The following RHBDF2 variants were observed in gnomAD, a reference collection of about 807,000 sequenced individuals.
The protein encoded by RHBDF2 is inactive rhomboid protein 2.
A neutral mutation model predicts 95.2 loss-of-function variants in RHBDF2; 38 were observed. The ratio of observed to expected loss-of-function variants is 0.40; its 90% confidence interval spans 0.31 to 0.52. The LOEUF is 0.52. RHBDF2 is among the 20% of genes least tolerant of loss of function. The probability of loss-of-function intolerance (pLI) is 0.56; values close to 1 mark genes in which losing one functional copy is unlikely to be tolerated. For synonymous variants in RHBDF2, 442 were observed against 462.0 expected (o/e 0.96, Z 0.55); for missense variants, 863 against 1,137.7 (o/e 0.76, Z 3.47).
At chr17:76,496,793 G>A (rs185680450) in intron 1 of RHBDF2, among the ~76,000 whole-genome samples, 199 of 151,862 alleles carry the variant, frequency 1.3e-3, no homozygotes, top group Admixed American at 2.3e-3. Context: ...ACGGAGTCTC[G>A]CTCTGCTGCC....
At chr17:76,473,455 T>C in intron 15 of RHBDF2, 128 bp from the exon 16 acceptor site, 1 of 1,003,902 alleles carries the variant, frequency 1.0e-6, no homozygotes, top group Admixed American at 2.0e-5. Flanking sequence ...ATCCAGAACC[T>C]TCGACTCTGG....
intron 1 of RHBDF2, among the ~76,000 whole-genome samples, chr17:76,494,403 G>T (rs2074385143): frequency 6.6e-6 from 1 of 152,214 alleles, no homozygotes; most frequent in Admixed American, 6.5e-5. Context: ...GCTGGACACA[G>T]CGCTGGGCCC....
intron 1 of RHBDF2, among the ~76,000 whole-genome samples, chr17:76,498,789 A>AGTGTGT (rs60130089): frequency 0.054 from 7,700 of 143,658 alleles, 302 homozygotes; most frequent in Non-Finnish European, 0.077. Flanking sequence ...AGAGAAAGAG[A>AGTGTGT]GTGTGTGTGT....
intron 1 of RHBDF2, among the ~76,000 whole-genome samples, chr17:76,495,197 C>A (rs539362412): frequency 1.3e-5 from 2 of 152,166 alleles, no homozygotes; most frequent in African/African-American, 4.8e-5. Flanking sequence ...ACAAGCCCAG[C>A]GGTTGGGGCA....
chr17:76,483,787 T>A (rs1598681963), intron 2 of RHBDF2, among the ~76,000 whole-genome samples: 2 of 152,192 alleles, frequency 1.3e-5, no homozygotes, highest in African/African-American at 4.8e-5. Context: ...AATGGCTGGG[T>A]TGAAGAGTAA....
intron 1 of RHBDF2, among the ~76,000 whole-genome samples, chr17:76,499,641 T>C (rs901065880): frequency 6.6e-6 from 1 of 152,114 alleles, no homozygotes; most frequent in Non-Finnish European, 1.5e-5. Context: ...GCCCTGATAC[T>C]CCTTGGATGT....
chr17:76,499,666 G>A (rs180770171), intron 1 of RHBDF2, among the ~76,000 whole-genome samples: 230 of 152,308 alleles, frequency 1.5e-3, no homozygotes, highest in Middle Eastern at 0.014. Context: ...TTCAAAAGGT[G>A]TACATAATTG....
Position 76,481,368 on chromosome 17 carries a change from C to A in RHBDF2, c.150+7G>T. 6.2e-7 allele frequency: 1 copy of A among 1,609,228 alleles called. No homozygotes were observed. On this transcript the variant is annotated splice_region_variant and intron_variant, in intron 3 of 18. Transcript: ENST00000675367. Reference sequence around the variant, plus strand: ...AGAACAGTGAGCCCCCAGGCCAGCCCCCTTACCTCAGGCAGCATGCTGTCC... The same window carrying A: ...AGAACAGTGAGCCCCCAGGCCAGCCACCTTACCTCAGGCAGCATGCTGTCC...
chr17:76,476,565 T>C (rs2073778211), intron 9 of RHBDF2: 1 of 479,204 alleles, frequency 2.1e-6, no homozygotes, highest in African/African-American at 2.0e-5. Flanking sequence ...TGAACATTTG[T>C]TGACTGACTG....
At chr17:76,475,506 C>G (rs953251827) in intron 9 of RHBDF2, among the ~76,000 whole-genome samples, 3 of 152,300 alleles carry the variant, frequency 2.0e-5, no homozygotes, top group African/African-American at 7.2e-5. Flanking sequence ...GACTGCACCC[C>G]TCCCCACCAG....
rs564497091 is a variant in RHBDF2 at position 76,484,153 on chromosome 17, C to T, written c.-21-2608G>A. Among the ~76,000 whole-genome samples the T allele has an allele frequency of 1.9e-4, 29 of 152,204 alleles. No homozygotes were observed. In the Middle Eastern group the frequency reaches 0.014, roughly 71 times the overall value. On this transcript the variant is annotated intron_variant, in intron 2 of 18. Coordinates refer to ENST00000675367, the MANE Select transcript of RHBDF2 (RefSeq NM_001005498.4). ...TGGCGCATGCCTGTAATCTCAGCTA[C>T]TCGGGAGGCTGAGGTAGGAGAATTG...
At chr17:76,490,513 G>A (rs900837023) in intron 1 of RHBDF2, among the ~76,000 whole-genome samples, 4 of 152,134 alleles carry the variant, frequency 2.6e-5, no homozygotes, top group Non-Finnish European at 4.4e-5. Flanking sequence ...TGGGACCAGG[G>A]TACACCAAGA....
In RHBDF2 at chr17:76,471,523, C is replaced by T; in HGVS notation, c.*110G>A. On this transcript the variant is annotated 3_prime_UTR_variant, in exon 19 of 19. Transcript: ENST00000675367. ...GGCACCCAGGTCCAGAGCCCGGGCCCTGTCTTGGGTCTCTGGCTCTCTGGC... is the reference window on the plus strand; with the variant it reads ...GGCACCCAGGTCCAGAGCCCGGGCCTTGTCTTGGGTCTCTGGCTCTCTGGC... 2 of 1,264,216 alleles carry T rather than the reference C, an allele frequency of 1.6e-6. No individual in the cohort carries two copies. The highest frequency in any genetic ancestry group is 2.1e-6 in the Non-Finnish European group (2 of 932,200). 78.3% of individuals were successfully genotyped at this position (1,264,216 alleles called of 1,614,324 possible).
At chr17:76,492,257 A>G (rs1047646369) in intron 1 of RHBDF2, among the ~76,000 whole-genome samples, 3 of 152,104 alleles carry the variant, frequency 2.0e-5, no homozygotes, top group Non-Finnish European at 2.9e-5. Flanking sequence ...CCCAGGTCCC[A>G]TGGGTTGAGG....
chr17:76,488,673 G>A (rs1298471490), intron 1 of RHBDF2, among the ~76,000 whole-genome samples: 1 of 152,198 alleles, frequency 6.6e-6, no homozygotes, highest in Non-Finnish European at 1.5e-5. Context: ...CCGGGGCTGG[G>A]TGCAGTGGCT....
chr17:76,481,485 C>G lies in RHBDF2; in HGVS notation c.40G>C (p.Val14Leu), dbSNP rs746613191. The change falls in exon 3 of 19, where the codon GTG becomes CTG. Residue 14 changes from valine (V) to leucine (L), a missense_variant. Transcript: ENST00000675367. ...CGGCTCTGCAGGCGGCTGCTGGACA[C>G]AGAGGACACGCTCCCGCCATTCTTG... ...ADKNGGSVSS[V>L]SSSRLQSRKP... The G allele has an allele frequency of 8.7e-6, 14 of 1,610,392 alleles. No individual in the cohort carries two copies. The Admixed American group carries it at 2.3e-4, about 27-fold the overall frequency.
At chr17:76,494,588 C>T (rs992909300) in intron 1 of RHBDF2, among the ~76,000 whole-genome samples, 2 of 152,168 alleles carry the variant, frequency 1.3e-5, no homozygotes, top group African/African-American at 4.8e-5. Flanking sequence ...CCCATCTCTA[C>T]TAAAAATACA....
Position 76,475,136 on chromosome 17 carries a change from T to G in RHBDF2, c.1121A>C (p.Tyr374Ser). 6.3e-7 allele frequency: 1 copy of G among 1,589,806 alleles called. No homozygotes were observed. The highest frequency in any genetic ancestry group is 8.6e-7 in the Non-Finnish European group (1 of 1,168,778). ...QLESFDSHRP[Y>S]FTYWLTFVHV... is the part of the protein sequence containing the mutation. ...GACGAAGGTCAGCCAGTAGGTGAAG[T>G]AGGGCCTGTGCAGAGACACCTCGGG... is the stretch of plus-strand genomic sequence containing the variant. The change falls in exon 10 of 19, where the codon TAC becomes TCC. Residue 374 changes from tyrosine (Y) to serine (S), a missense_variant. Physicochemically the swap from Tyr to Ser is moderately radical, Grantham distance 144 (BLOSUM62 -2). Around this residue, in one of 2 missense-constraint regions of RHBDF2, gnomAD observed 611 missense variants for 725.5 expected, o/e 0.84. Coordinates refer to ENST00000675367, the MANE Select transcript of RHBDF2 (RefSeq NM_001005498.4).
chr17:76,477,614 G>A, intron 7 of RHBDF2, 43 bp downstream of exon 7: 1 of 1,603,654 alleles, frequency 6.2e-7, no homozygotes, highest in African/African-American at 1.3e-5. Flanking sequence ...CCAGCTCCCA[G>A]GCCACCCCAC....
Sources: allele counts gnomAD v4.1 joint callset (sites outside exome capture counted in the v4.1 genomes callset), GRCh38; gene constraint gnomAD v4.1.1; regional missense constraint gnomAD v4.1.1; transcripts MANE v1.5; gene names NCBI Gene and HGNC (gene_info 2026-07-23, HGNC 2026-07-21).